Variants in OSBPL10 observed in about 807,000 individuals in gnomAD.
OSBPL10 encodes oxysterol-binding protein-related protein 10.
In OSBPL10, 49 loss-of-function variants were observed where a neutral mutation model predicts 81.7. The ratio of observed to expected loss-of-function variants is 0.60; its 90% CI spans 0.48 to 0.76. OSBPL10 has a LOEUF of 0.76. Among genes scored for constraint, OSBPL10 ranks in the 30% least tolerant of loss-of-function variants. The pLI is 0.00. For synonymous variants in OSBPL10, 419 were observed against 383.6 expected (o/e 1.09, Z -1.08); for missense variants, 923 against 987.8 (o/e 0.93, Z 0.88).
intron 4 of OSBPL10, among the ~76,000 whole-genome samples, chr3:31,815,815 T>A (rs567141063): frequency 1.0e-3 from 155 of 152,250 alleles, no homozygotes; most frequent in Non-Finnish European, 1.9e-3. Flanking sequence ...TCAGCCAACG[T>A]CTCTCTGCAG....
chr3:31,684,226 G>A (rs971924424), intron 7 of OSBPL10, 112 bp from the exon 8 acceptor site: 3 of 1,405,108 alleles, frequency 2.1e-6, no homozygotes, highest in Non-Finnish European at 2.9e-6. Context: ...TCTCCAGCCA[G>A]GGAGCAGTCT....
At chr3:32,062,608 C>T (rs1575094816) in intron 1 of OSBPL10, among the ~76,000 whole-genome samples, 2 of 94,502 alleles carry the variant, frequency 2.1e-5, no homozygotes, top group East Asian at 4.9e-4. Flanking sequence ...GGAAACTTGC[C>T]TAAGGATACA....
intron 2 of OSBPL10, among the ~76,000 whole-genome samples, chr3:32,007,857 C>T (rs77050352): frequency 0.045 from 6,833 of 152,074 alleles, 207 homozygotes; most frequent in East Asian, 0.12. Flanking sequence ...CAGGTGCCCG[C>T]GACCACCCTG....
At chr3:31,917,331 G>A (rs553417680) in intron 1 of OSBPL10, among the ~76,000 whole-genome samples, 142 of 152,242 alleles carry the variant, frequency 9.3e-4, no homozygotes, top group African/African-American at 3.2e-3. Flanking sequence ...AGCTATTAAC[G>A]AGGTGTCTTT....
chr3:31,844,900 C>T (rs908785738), intron 3 of OSBPL10, among the ~76,000 whole-genome samples: 5 of 152,064 alleles, frequency 3.3e-5, no homozygotes, highest in Non-Finnish European at 7.4e-5. Flanking sequence ...ATAGCAAGAC[C>T]CCATCTCTAC....
intron 8 of OSBPL10, among the ~76,000 whole-genome samples, chr3:31,678,436 CCTT>C (rs770099132): frequency 1.4e-4 from 22 of 152,208 alleles, no homozygotes; most frequent in Non-Finnish European, 3.1e-4. Context: ...ACAGCCACCT[CCTT>C]GTCGGAGCCC....
chr3:31,866,233 A>C (rs1369849876), intron 3 of OSBPL10, among the ~76,000 whole-genome samples: 1 of 152,084 alleles, frequency 6.6e-6, no homozygotes, highest in African/African-American at 2.4e-5. Context: ...CCACCCCAAC[A>C]AACAAACCCT....
chr3:31,930,984 C>T (rs1192488987), intron 1 of OSBPL10, among the ~76,000 whole-genome samples: 2 of 132,870 alleles, frequency 1.5e-5, no homozygotes, highest in Non-Finnish European at 3.1e-5. Context: ...CACTGCACTC[C>T]AGCCTGGGCG....
At chr3:31,846,386 G>A (rs567584952) in intron 3 of OSBPL10, among the ~76,000 whole-genome samples, 1 of 152,256 alleles carries the variant, frequency 6.6e-6, no homozygotes, top group African/African-American at 2.4e-5. Context: ...CACTTTGGGA[G>A]GCCAAGGTGA....
chr3:31,799,379 TAAAAAAAAAAAAA>T (rs61157535), intron 4 of OSBPL10, among the ~76,000 whole-genome samples: 34 of 56,248 alleles, frequency 6.0e-4, no homozygotes, highest in East Asian at 2.7e-3. Flanking sequence ...CCTATCTCTT[TAAAAAAAAAAAAA>T]AAAAAAAAAA....
At chr3:31,918,975 A>C (rs1283419037) in intron 1 of OSBPL10, among the ~76,000 whole-genome samples, 3 of 152,146 alleles carry the variant, frequency 2.0e-5, no homozygotes, top group African/African-American at 7.2e-5. Context: ...AGCATGAGGC[A>C]CTCACAGCCT....
At chr3:31,777,586 T>C (rs376642481) in intron 4 of OSBPL10, among the ~76,000 whole-genome samples, 81 of 152,246 alleles carry the variant, frequency 5.3e-4, no homozygotes, top group Middle Eastern at 3.4e-3. Context: ...CCAGGAACCA[T>C]TGTGAAAGTG....
chr3:31,729,143 A>C (rs1696891118), intron 6 of OSBPL10, among the ~76,000 whole-genome samples: 1 of 152,210 alleles, frequency 6.6e-6, no homozygotes, highest in Non-Finnish European at 1.5e-5. Flanking sequence ...ACGCCTCAAT[A>C]AACCTGACTT....
chr3:31,814,698 T>C (rs1699790458), intron 4 of OSBPL10, among the ~76,000 whole-genome samples: 1 of 152,130 alleles, frequency 6.6e-6, no homozygotes, highest in Non-Finnish European at 1.5e-5. Flanking sequence ...GATTCTAGCC[T>C]CAATAACTGT....
chr3:31,751,515 A>G (rs889214201), intron 4 of OSBPL10, among the ~76,000 whole-genome samples: 7 of 152,236 alleles, frequency 4.6e-5, no homozygotes, highest in Non-Finnish European at 1.0e-4. Flanking sequence ...GGGAAGAACT[A>G]CGGCACTGAA....
At chr3:31,849,373 G>A (rs1700706261) in intron 3 of OSBPL10, among the ~76,000 whole-genome samples, 1 of 152,182 alleles carries the variant, frequency 6.6e-6, no homozygotes, top group Non-Finnish European at 1.5e-5. Context: ...TAGGATCTGA[G>A]TATATCTTCT....
At chr3:31,988,993 T>G (rs1219199790) in intron 2 of OSBPL10, 3 of 1,536,328 alleles carry the variant, frequency 2.0e-6, no homozygotes, top group Non-Finnish European at 2.7e-6. Context: ...GATAATTTGT[T>G]TCTCGGAAAC....
intron 1 of OSBPL10, among the ~76,000 whole-genome samples, chr3:31,938,771 G>A (rs1003426186): frequency 5.9e-5 from 9 of 152,102 alleles, no homozygotes; most frequent in Non-Finnish European, 1.2e-4. Flanking sequence ...TGAGACTACA[G>A]GTGTGAGCCA....
chr3:31,687,442 T>G (rs1700820335), intron 7 of OSBPL10, among the ~76,000 whole-genome samples: 1 of 151,852 alleles, frequency 6.6e-6, no homozygotes, highest in African/African-American at 2.4e-5. Context: ...TTAGTCAGCA[T>G]TTCTGAATTC....
Sources: allele counts gnomAD v4.1 joint callset (sites outside exome capture counted in the v4.1 genomes callset), GRCh38; gene constraint gnomAD v4.1.1; transcripts MANE v1.5; gene names NCBI Gene and HGNC (gene_info 2026-07-23, HGNC 2026-07-21).